Variants in AEBP2 observed in about 807,000 individuals in gnomAD.
The protein encoded by AEBP2 is AE binding protein 2.
AEBP2 carries 10 observed loss-of-function variants against 50.8 expected under a neutral mutation model. The ratio of observed to expected loss-of-function variants is 0.20; its 90% CI spans 0.12 to 0.33. The LOEUF (loss-of-function observed/expected upper bound fraction) is 0.33, where lower values mean the gene tolerates loss of function less well. Ranked by LOEUF, AEBP2 falls within the 10% of genes least tolerant of loss-of-function variation. The probability of loss-of-function intolerance (pLI) is 1.00; values close to 1 mark genes in which losing one functional copy is unlikely to be tolerated. For synonymous variants in AEBP2, 296 were observed against 261.3 expected, an observed-to-expected ratio of 1.13 and a Z score of -1.28; for missense variants, 570 against 688.0, an observed-to-expected ratio of 0.83 and a Z score of 1.92.
chr12:19,516,036 G>A (rs763234581), intron 7 of AEBP2, among the ~76,000 whole-genome samples: 3 of 152,168 alleles, frequency 2.0e-5, no homozygotes, highest in Non-Finnish European at 4.4e-5. Context: ...AGTGAGCCAG[G>A]ATTACACCAC....
intron 1 of AEBP2, among the ~76,000 whole-genome samples, chr12:19,411,577 A>G (rs1288005259): frequency 1.3e-5 from 2 of 152,196 alleles, no homozygotes; most frequent in Non-Finnish European, 2.9e-5. Context: ...GGATTAAATG[A>G]GTTAATCCAT....
At chr12:19,463,685 T>TG (rs1255424848) in intron 2 of AEBP2, among the ~76,000 whole-genome samples, 1 of 145,736 alleles carries the variant, frequency 6.9e-6, no homozygotes, top group African/African-American at 2.5e-5. Context: ...TTTTTTTTTT[T>TG]TTTTTTGAGA....
chr12:19,428,937 G>T (rs1016478987), intron 1 of AEBP2, among the ~76,000 whole-genome samples: 1 of 151,968 alleles, frequency 6.6e-6, no homozygotes, highest in African/African-American at 2.4e-5. Flanking sequence ...CCAGGAGTTC[G>T]AGCCCAGCCT....
At chr12:19,516,222 G>C (rs953472173) in intron 7 of AEBP2, among the ~76,000 whole-genome samples, 1 of 152,152 alleles carries the variant, frequency 6.6e-6, no homozygotes, top group Non-Finnish European at 1.5e-5. Flanking sequence ...GGAAGGTTAC[G>C]AGTTACTTCT....
intron 1 of AEBP2, among the ~76,000 whole-genome samples, chr12:19,412,093 G>A (rs1253637053): frequency 1.3e-5 from 2 of 152,212 alleles, no homozygotes; most frequent in African/African-American, 4.8e-5. Flanking sequence ...TTCTGCAGCT[G>A]CTCTCAGCAG....
chr12:19,466,829 A>C, intron 2 of AEBP2: 2 of 983,310 alleles, frequency 2.0e-6, no homozygotes, highest in Non-Finnish European at 2.4e-6. Flanking sequence ...GATTATTGAA[A>C]GATGACAGTT....
chr12:19,431,397 G>A (rs954203624), intron 1 of AEBP2, among the ~76,000 whole-genome samples: 4 of 151,974 alleles, frequency 2.6e-5, no homozygotes, highest in Admixed American at 6.6e-5. Flanking sequence ...TTTAATAATC[G>A]AGAGAGTTTT....
intron 1 of AEBP2, chr12:19,456,813 G>C: frequency 6.4e-7 from 1 of 1,558,314 alleles, no homozygotes; most frequent in Non-Finnish European, 8.9e-7. Context: ...CACCATACCA[G>C]GTTTGAGAAC....
chr12:19,515,517 G>A (rs1949304866), intron 7 of AEBP2, among the ~76,000 whole-genome samples: 1 of 152,174 alleles, frequency 6.6e-6, no homozygotes, highest in Non-Finnish European at 1.5e-5. Context: ...TGATGTACAC[G>A]AGAGTGATTA....
chr12:19,418,610 A>G (rs980719550), intron 1 of AEBP2, among the ~76,000 whole-genome samples: 1 of 152,066 alleles, frequency 6.6e-6, no homozygotes, highest in African/African-American at 2.4e-5. Flanking sequence ...GTCTGTAAGA[A>G]TCCCCCCACT....
intron 1 of AEBP2, among the ~76,000 whole-genome samples, chr12:19,426,015 C>T (rs945651883): frequency 1.3e-5 from 2 of 152,206 alleles, no homozygotes; most frequent in South Asian, 2.1e-4. Context: ...TGGCTCACTG[C>T]AAGCTTTGCC....
chr12:19,441,685 T>C (rs567284512), intron 1 of AEBP2, among the ~76,000 whole-genome samples: 1 of 152,192 alleles, frequency 6.6e-6, no homozygotes, highest in African/African-American at 2.4e-5. Flanking sequence ...TCGGGTAAAG[T>C]AGACTGTATA....
intron 2 of AEBP2, among the ~76,000 whole-genome samples, chr12:19,465,187 G>A (rs989053475): frequency 3.3e-5 from 5 of 151,874 alleles, no homozygotes; most frequent in African/African-American, 1.2e-4. Context: ...GGGGTCAGGA[G>A]TTTGAGACCA....
chr12:19,511,322 T>C (rs1353383463), intron 5 of AEBP2, among the ~76,000 whole-genome samples: 1 of 152,198 alleles, frequency 6.6e-6, no homozygotes, highest in Non-Finnish European at 1.5e-5. Context: ...CCCGGAGAGT[T>C]GGTTGTTCCA....
intron 3 of AEBP2, among the ~76,000 whole-genome samples, chr12:19,492,533 C>G (rs189039186): frequency 7.9e-5 from 12 of 151,210 alleles, no homozygotes; most frequent in African/African-American, 2.9e-4. Flanking sequence ...GAGGCTAGAT[C>G]TAATTGTTTA....
upstream of AEBP2, among the ~76,000 whole-genome samples, chr12:19,437,127 G>T (rs61914967): frequency 0.074 from 11,198 of 152,190 alleles, 465 homozygotes; most frequent in South Asian, 0.18. Context: ...CCTGGGTGTG[G>T]AAGGAATGCT....
At chr12:19,409,668 C>T (rs2095738253) in intron 1 of AEBP2, among the ~76,000 whole-genome samples, 1 of 152,112 alleles carries the variant, frequency 6.6e-6, no homozygotes. Flanking sequence ...AAATGAAAAT[C>T]CCATTTGGAG....
intron 1 of AEBP2, among the ~76,000 whole-genome samples, chr12:19,443,036 C>T (rs1339832144): frequency 2.6e-5 from 4 of 151,976 alleles, no homozygotes; most frequent in African/African-American, 4.8e-5. Context: ...GTTTTGGTTA[C>T]GTTGTGCTTT....
chr12:19,446,912 A>G lies in AEBP2; in HGVS notation c.671+6542A>G, dbSNP rs148146752. Among the ~76,000 whole-genome samples, 1,102 of 152,172 alleles carry G rather than the reference A, an allele frequency of 7.2e-3. 4 individuals are homozygous for G. The highest frequency in any genetic ancestry group is 0.011 in the Non-Finnish European group (757 of 68,008). On this transcript the variant is annotated intron_variant, in intron 1 of 7. Transcript: ENST00000266508. ...ACTGTAGTCAAACCTGGGTGACAGC[A>G]AGACTCTCACAAAAAACAAAAAAAC... is the stretch of plus-strand genomic sequence containing the variant.
Sources: gnomAD v4.1 joint callset for allele counts (sites outside exome capture counted in the v4.1 genomes callset) on GRCh38, gnomAD v4.1.1 for gene constraint, MANE v1.5 for transcripts, NCBI Gene and HGNC (gene_info 2026-07-23, HGNC 2026-07-21) for gene names.